EXD3: variants seen among roughly 807,000 people sequenced by gnomAD.
EXD3 encodes the protein exonuclease 3'-5' domain containing 3.
EXD3 carries 92 observed loss-of-function variants against 98.0 expected under a neutral mutation model. The observed-to-expected ratio is 0.94, with a 90% CI of 0.79 to 1.12. EXD3 has a LOEUF of 1.12. Among genes scored for constraint, EXD3 ranks in the 50% most tolerant of loss-of-function variants. The pLI is 0.00. For synonymous variants in EXD3, 569 were observed against 526.0 expected (o/e 1.08, Z -1.12); for missense variants, 1,222 against 1,191.6 (o/e 1.03, Z -0.38).
At position 137,322,415 on chromosome 9, in the gene EXD3, C is replaced by T. The variant is rs530761246; in HGVS notation, c.2184+1310G>A. ...CTGCCAACATCTCACCCCAGACCCA[C>T]GAGGGATGCTCTGCCGACACCTCAC... On this transcript the variant is annotated intron_variant, in intron 19 of 21. Transcript: ENST00000340951. Among the ~76,000 whole-genome samples, 1,289 of 145,860 alleles carry T rather than the reference C, an allele frequency of 8.8e-3. 11 individuals carry two copies. The highest frequency in any genetic ancestry group is 0.031 in the African/African-American group (1,213 of 39,224).
intron 1 of EXD3, among the ~76,000 whole-genome samples, chr9:137,419,906 T>C (rs1016528383): frequency 6.6e-6 from 1 of 152,140 alleles, no homozygotes; most frequent in African/African-American, 2.4e-5. Context: ...ATGCCTGTAA[T>C]CCCAGCACTT....
intron 2 of EXD3, among the ~76,000 whole-genome samples, chr9:137,390,349 G>A (rs1279267137): frequency 6.1e-5 from 9 of 147,686 alleles, no homozygotes; most frequent in Non-Finnish European, 9.0e-5. Flanking sequence ...GGAGAATGGC[G>A]TGAACCCGGG....
chr9:137,314,946 C>T (rs1327790976), intron 19 of EXD3, among the ~76,000 whole-genome samples: 1 of 152,186 alleles, frequency 6.6e-6, no homozygotes, highest in African/African-American at 2.4e-5. Flanking sequence ...GGGACACGGG[C>T]GTCTGCATGT....
At position 137,307,038 on chromosome 9, in the gene EXD3, A is replaced by C. The variant is rs1277648557; in HGVS notation, c.2543T>G (p.Val848Gly). The C allele has an allele frequency of 6.2e-7, 1 of 1,612,288 alleles. No individual in the cohort carries two copies. Among genetic ancestry groups the C allele is most frequent in the East Asian group, 2.2e-5 (1 of 44,866 alleles). The part of the protein sequence containing the change: ...VFWDGSHLGR[V>G]ATHFRDMLES... ...CAGCATGTCTCGGAAGTGGGTGGCA[A>C]CACGACCCAGGTGGGAGCCGTCCCA... Residue 848 changes from valine (V) to glycine (G), a missense_variant, in exon 22 of 22, where the codon GTT (valine) becomes GGT (glycine). Val to Gly is a moderately radical substitution (Grantham distance 109, BLOSUM62 -3). Transcript: ENST00000340951.
In EXD3 at chr9:137,349,277, C is replaced by A; in HGVS notation, c.1663G>T (p.Asp555Tyr). The change falls in exon 16 of 22, where the codon GAC becomes TAC. Residue 555 changes from aspartate (D) to tyrosine (Y), a missense_variant. Transcript: ENST00000340951. The surrounding 1 kb of genome is among the most constrained non-coding windows in gnomAD (Gnocchi z 7.4). ...CEEQVIYAAA[D>Y]AYCLLEVHQA... ...TGCACCTCCAGCAGGCAGTAGGCGT[C>A]GGCAGCTGTGTGGGGAGTCGGCCTC... 2 of 1,564,726 alleles carry A rather than the reference C, an allele frequency of 1.3e-6. No individual in the cohort carries two copies. Among genetic ancestry groups the A allele is most frequent in the South Asian group, 1.2e-5 (1 of 86,580 alleles).
intron 3 of EXD3, among the ~76,000 whole-genome samples, chr9:137,375,242 C>T (rs1180109824): frequency 3.9e-5 from 6 of 152,288 alleles, no homozygotes; most frequent in African/African-American, 1.2e-4. Flanking sequence ...CTCCTGACCT[C>T]GTGATCCGCC....
At position 137,324,048 on chromosome 9, in the gene EXD3, G is replaced by A. The variant is rs897968463; in HGVS notation, c.2052+42C>T. 1 of 1,562,016 alleles carries A rather than the reference G, an allele frequency of 6.4e-7. No homozygotes were observed. The highest frequency in any genetic ancestry group is 1.4e-5 in the African/African-American group (1 of 73,662). ...GGCCGAGGGGCTGGGGGCTTGGGAA[G>A]ATGGGGCTCAGGCCCACTGAGCTTA... On this transcript the variant is annotated intron_variant, in intron 18 of 21. Coordinates refer to ENST00000340951, the MANE Select transcript of EXD3 (RefSeq NM_017820.5). The surrounding 1 kb of genome is among the most constrained non-coding windows in gnomAD (Gnocchi z 4.1).
At chr9:137,322,626 C>T (rs1354229457) in intron 19 of EXD3, among the ~76,000 whole-genome samples, 2 of 114,646 alleles carry the variant, frequency 1.7e-5, no homozygotes, top group Middle Eastern at 6.2e-3. Context: ...CCCCGGACCA[C>T]GAGGGATGCT....
intron 10 of EXD3, chr9:137,353,896 G>T: frequency 1.7e-5 from 17 of 994,638 alleles, no homozygotes; most frequent in Non-Finnish European, 2.0e-5. Flanking sequence ...TTCCCACGTG[G>T]ACGACAATAC....
intron 10 of EXD3, chr9:137,353,527 G>A (rs1419175429): frequency 3.0e-6 from 3 of 986,258 alleles, no homozygotes; most frequent in Non-Finnish European, 3.6e-6. Flanking sequence ...ACAGAGGGGT[G>A]CCCTCTGGGT....
At chr9:137,382,036 G>A (rs888783713) in intron 3 of EXD3, among the ~76,000 whole-genome samples, 7 of 144,884 alleles carry the variant, frequency 4.8e-5, no homozygotes, top group Admixed American at 2.8e-4. Flanking sequence ...AGGTGAGGGC[G>A]CGGGGAGGAG....
Position 137,306,970 on chromosome 9 carries a change from G to A in EXD3, c.2611C>T (p.Pro871Ser). The A allele has an allele frequency of 6.3e-7, 1 of 1,589,644 alleles. No individual in the cohort carries two copies. The highest frequency in any genetic ancestry group is 8.6e-7 in the Non-Finnish European group (1 of 1,166,242). Reference protein sequence around the residue: ...SPCEPSPAPSPASSPF With the variant: ...SPCEPSPAPSSASSPF ...TGTCCTCAGAAGGGACTGCTGGCCG[G>A]GCTGGGGGCTGGGCTCGGCTCGCAG... The change falls in exon 22 of 22, where the codon CCG becomes TCG. Residue 871 changes from proline to serine, a missense_variant. Physicochemically the swap from Pro to Ser is moderately conservative, Grantham distance 74 (BLOSUM62 -1). Transcript: ENST00000340951.
chr9:137,348,216 G>T lies in EXD3; in HGVS notation c.1853C>A (p.Ser618Tyr), dbSNP rs767216999. Residue 618 changes from serine to tyrosine, a missense_variant, in exon 17 of 22, where the codon TCT becomes TAT. By Grantham distance (144) the Ser-to-Tyr change is moderately radical. Transcript: ENST00000340951. Reference protein sequence around the residue: ...PRQVPVAVAVSEGAAPQIPAR... With the variant: ...PRQVPVAVAVYEGAAPQIPAR... ...CGGAATCTGAGGGGCAGCGCCCTCA[G>T]ACACAGCCACAGCCACAGGGACCTG... The T allele has an allele frequency of 6.2e-7, 1 of 1,611,396 alleles. No homozygotes were observed. The highest frequency in any genetic ancestry group is 8.5e-7 in the Non-Finnish European group (1 of 1,179,548).
In EXD3 at chr9:137,388,288, G is replaced by A. The variant is rs573433466; in HGVS notation, c.56-4911C>T. ...GGCCTGAGGGTGTCCAGGCAGAGGC[G>A]GCCAGGACGGCTCCACCATCTGTCC... On this transcript the variant is annotated intron_variant, in intron 2 of 21. Transcript: ENST00000340951. Among the ~76,000 whole-genome samples the A allele has an allele frequency of 3.9e-4, 60 of 151,970 alleles. 1 individual carries two copies. The highest frequency in any genetic ancestry group is 1.6e-3 in the Admixed American group (24 of 15,260).
intron 17 of EXD3, among the ~76,000 whole-genome samples, chr9:137,339,854 C>T (rs1392041597): frequency 6.6e-6 from 1 of 152,146 alleles, no homozygotes; most frequent in Non-Finnish European, 1.5e-5. Flanking sequence ...CTACCATCAG[C>T]ATTTCTATTC....
rs577194132 is a variant in EXD3 at position 137,371,333 on chromosome 9, C to T, written c.462+1572G>A. Among the ~76,000 whole-genome samples the T allele has an allele frequency of 7.2e-4, 109 of 152,284 alleles. No individual in the cohort carries two copies. The highest frequency in any genetic ancestry group is 2.5e-3 in the African/African-American group (103 of 41,568). ...TGGCTTCTCAGCGCCATGCACCCGCCGCGAGACGACGGCCCCGGGCGTGGC... is the reference window on the plus strand; with the variant it reads ...TGGCTTCTCAGCGCCATGCACCCGCTGCGAGACGACGGCCCCGGGCGTGGC... On this transcript the variant is annotated intron_variant, in intron 5 of 21. Coordinates refer to ENST00000340951, the MANE Select transcript of EXD3 (RefSeq NM_017820.5). The surrounding 1 kb of genome is among the most constrained non-coding windows in gnomAD (Gnocchi z 8.0).
intron 1 of EXD3, among the ~76,000 whole-genome samples, chr9:137,400,860 T>G (rs1419146401): frequency 6.6e-6 from 1 of 152,168 alleles, no homozygotes; most frequent in Non-Finnish European, 1.5e-5. Flanking sequence ...AGTCAAATTT[T>G]AAAGCTCCAA....
intron 17 of EXD3, among the ~76,000 whole-genome samples, chr9:137,331,829 T>C (rs1833077059): frequency 6.6e-6 from 1 of 151,980 alleles, no homozygotes; most frequent in Non-Finnish European, 1.5e-5. Flanking sequence ...GGCAGGAGAA[T>C]TGCTTGAACC....
intron 11 of EXD3, 80 bp from the exon 12 acceptor site, chr9:137,352,281 C>T (rs1408864084): frequency 6.3e-7 from 1 of 1,578,562 alleles, no homozygotes; most frequent in Non-Finnish European, 8.6e-7. Flanking sequence ...GGGGAGCATT[C>T]AGGGCCTGTT....
Sources: gnomAD v4.1 joint callset for allele counts (sites outside exome capture counted in the v4.1 genomes callset) on GRCh38, gnomAD v4.1.1 for gene constraint, Gnocchi (gnomAD v3.1) non-coding constraint, MANE v1.5 for transcripts, NCBI Gene and HGNC (gene_info 2026-07-23, HGNC 2026-07-21) for gene names.